The following COP1 variants were observed in gnomAD, a reference collection of about 807,000 sequenced individuals.
The protein encoded by COP1 is COP1 E3 ubiquitin ligase, also known as E3 ubiquitin-protein ligase COP1.
A neutral mutation model predicts 101.3 loss-of-function variants in COP1; 24 were observed. The observed-to-expected ratio is 0.24, with a 90% CI of 0.17 to 0.33. The LOEUF (loss-of-function observed/expected upper bound fraction) is 0.33. Among genes scored for constraint, COP1 ranks in the 10% least tolerant of loss-of-function variants. The pLI is 1.00. For missense variants in COP1, 663 were observed against 906.2 expected (o/e 0.73, Z 3.45); for synonymous variants, 347 against 341.9 (o/e 1.01, Z -0.17).
chr1:176,029,467 C>A (rs1668300341), intron 14 of COP1, among the ~76,000 whole-genome samples: 1 of 152,124 alleles, frequency 6.6e-6, no homozygotes, highest in Admixed American at 6.5e-5. Context: ...ACAGGATACA[C>A]CCATAAAATA....
intron 14 of COP1, among the ~76,000 whole-genome samples, chr1:176,040,479 G>A (rs1670329909): frequency 6.6e-6 from 1 of 151,996 alleles, no homozygotes; most frequent in Admixed American, 6.6e-5. Flanking sequence ...ACCACGCCCA[G>A]GTAATTTTTA....
intron 11 of COP1, among the ~76,000 whole-genome samples, chr1:176,047,056 G>C (rs972074093): frequency 6.6e-6 from 1 of 152,120 alleles, no homozygotes; most frequent in Non-Finnish European, 1.5e-5. Flanking sequence ...GCAAGTACAA[G>C]ATCATACTCG....
intron 11 of COP1, among the ~76,000 whole-genome samples, chr1:176,076,103 C>T (rs1465108040): frequency 1.3e-5 from 2 of 150,618 alleles, no homozygotes; most frequent in African/African-American, 4.9e-5. Flanking sequence ...TGGACTTAAA[C>T]TCTACACTTG....
intron 16 of COP1, 29 bp downstream of exon 16, chr1:175,989,333 G>C: frequency 8.6e-7 from 1 of 1,163,796 alleles, no homozygotes; most frequent in Non-Finnish European, 1.3e-6. Flanking sequence ...TCTGTATTAA[G>C]CTCAACCTCT....
intron 9 of COP1, among the ~76,000 whole-genome samples, chr1:176,104,077 C>T (rs1404501656): frequency 1.3e-5 from 2 of 152,050 alleles, no homozygotes; most frequent in Non-Finnish European, 2.9e-5. Context: ...AATACAGAAA[C>T]AGAAACAGAC....
chr1:176,004,666 G>C (rs1428881386), intron 15 of COP1, among the ~76,000 whole-genome samples: 13 of 151,044 alleles, frequency 8.6e-5, no homozygotes, highest in Middle Eastern at 3.4e-3. Context: ...ATTGATTTGT[G>C]TGTATTGAAC....
chr1:175,948,530 T>C (rs1248399692), intron 18 of COP1, among the ~76,000 whole-genome samples: 2 of 152,240 alleles, frequency 1.3e-5, no homozygotes, highest in African/African-American at 4.8e-5. Flanking sequence ...GGCTTGTATG[T>C]TAGAAAAGTT....
chr1:176,053,455 A>G (rs1286649603), intron 11 of COP1, among the ~76,000 whole-genome samples: 2 of 152,166 alleles, frequency 1.3e-5, no homozygotes, highest in Non-Finnish European at 2.9e-5. Flanking sequence ...TCATTTTCTT[A>G]AAAATTATTC....
At chr1:176,006,914 A>G (rs1440647517) in intron 15 of COP1, among the ~76,000 whole-genome samples, 1 of 152,010 alleles carries the variant, frequency 6.6e-6, no homozygotes, top group Admixed American at 6.6e-5. Context: ...AGATTGGGGA[A>G]GTTCTACTGG....
intron 15 of COP1, among the ~76,000 whole-genome samples, chr1:176,024,130 G>T (rs975421972): frequency 2.6e-5 from 4 of 152,058 alleles, no homozygotes; most frequent in African/African-American, 4.8e-5. Context: ...GTGGTGGCTG[G>T]TGCCCGTAGT....
chr1:176,057,475 C>T (rs970168266), intron 11 of COP1, among the ~76,000 whole-genome samples: 6 of 152,202 alleles, frequency 3.9e-5, no homozygotes, highest in African/African-American at 1.4e-4. Flanking sequence ...CCTGCGATTG[C>T]AGGCGCGCGC....
intron 15 of COP1, among the ~76,000 whole-genome samples, chr1:176,002,615 T>C (rs1486445530): frequency 6.7e-6 from 1 of 148,284 alleles, no homozygotes; most frequent in African/African-American, 2.5e-5. Context: ...TGTTTGGTTT[T>C]TTGTTCTTGT....
intron 6 of COP1, among the ~76,000 whole-genome samples, chr1:176,141,725 TTTTTC>T (rs1163459391): frequency 3.3e-5 from 5 of 149,376 alleles, no homozygotes; most frequent in Admixed American, 6.6e-5. Context: ...TTCATAGCAC[TTTTTC>T]TTTTCTTTTT....
In COP1 at chr1:176,206,599, T is replaced by C. The variant is rs1553323516; in HGVS notation, c.380A>G (p.Tyr127Cys). 4 of 1,611,572 alleles carry C rather than the reference T, an allele frequency of 2.5e-6. No individual in the cohort carries two copies. Among genetic ancestry groups the C allele is most frequent in the African/African-American group, 1.3e-5 (1 of 75,040 alleles). ...TACGAAGTCGTTGCTTTTGTCCTCG[T>C]AGGAGTTGATGAGCCCGTTGCAGAG... ...APLCNGLINS[Y>C]EDKSNDFVCP... The change falls in exon 1 of 20, where the codon TAC becomes TGC. Residue 127 changes from tyrosine to cysteine, a missense_variant. Physicochemically the swap from Tyr to Cys is radical, Grantham distance 194. Coordinates refer to ENST00000367669, the MANE Select transcript of COP1 (RefSeq NM_022457.7).
At chr1:176,014,474 T>A (rs375712110) in intron 15 of COP1, among the ~76,000 whole-genome samples, 42 of 152,362 alleles carry the variant, frequency 2.8e-4, no homozygotes, top group African/African-American at 9.4e-4. Flanking sequence ...TTAGAAGTCA[T>A]TACCCTCAAA....
intron 18 of COP1, among the ~76,000 whole-genome samples, chr1:175,948,273 T>C (rs1369376622): frequency 6.6e-6 from 1 of 152,206 alleles, no homozygotes; most frequent in Non-Finnish European, 1.5e-5. Context: ...TGTAGGAAAC[T>C]GGGCATCTAA....
At chr1:176,156,431 A>C (rs933882679) in intron 5 of COP1, among the ~76,000 whole-genome samples, 8 of 152,050 alleles carry the variant, frequency 5.3e-5, no homozygotes, top group African/African-American at 1.9e-4. Flanking sequence ...TGTAGACTCA[A>C]ACCGAACTAT....
In COP1 at chr1:175,975,479, G is replaced by A. The variant is rs187805687; in HGVS notation, c.2133+11464C>T. ...GGCTGGAGTGCAGTGCCACGATCTC[G>A]GCTCACTGCAATCTCTGCCTCCTGG... On this transcript the variant is annotated intron_variant, in intron 18 of 19. Coordinates refer to ENST00000367669, the MANE Select transcript of COP1 (RefSeq NM_022457.7). 3.3e-3 allele frequency among the ~76,000 whole-genome samples: 499 copies of A among 152,010 alleles called. 1 individual carries two copies. Among genetic ancestry groups the A allele is most frequent in the South Asian group, 0.026 (127 of 4,804 alleles).
At chr1:176,054,610 C>T (rs186290963) in intron 11 of COP1, among the ~76,000 whole-genome samples, 10 of 152,274 alleles carry the variant, frequency 6.6e-5, no homozygotes, top group Admixed American at 2.6e-4. Flanking sequence ...TCATTCCGAA[C>T]GATGTGCTCC....
Sources: gnomAD v4.1 joint callset for allele counts (sites outside exome capture counted in the v4.1 genomes callset) on GRCh38, gnomAD v4.1.1 for gene constraint, MANE v1.5 for transcripts, NCBI Gene and HGNC (gene_info 2026-07-23, HGNC 2026-07-21) for gene names.